The following POLR3G variants were observed in gnomAD, a reference collection of about 807,000 sequenced individuals.
The protein encoded by POLR3G is RNA polymerase III subunit G.
POLR3G carries 28 observed loss-of-function variants against 30.1 expected under a neutral mutation model. The observed-to-expected ratio is 0.93, with a 90% confidence interval of 0.69 to 1.27. The LOEUF is 1.27. POLR3G is among the 50% of genes most tolerant of loss of function. The pLI is 0.00. For synonymous variants in POLR3G, 79 were observed against 82.5 expected (o/e 0.96, Z 0.23); for missense variants, 254 against 264.6 (o/e 0.96, Z 0.28).
intron 3 of POLR3G, among the ~76,000 whole-genome samples, chr5:90,491,894 G>A (rs1237734011): frequency 6.6e-6 from 1 of 152,094 alleles, no homozygotes; most frequent in Non-Finnish European, 1.5e-5. Flanking sequence ...TCATCATATA[G>A]TTTTCCTATG....
chr5:90,477,071 C>G (rs1561244713), intron 1 of POLR3G, among the ~76,000 whole-genome samples: 1 of 152,078 alleles, frequency 6.6e-6, no homozygotes, highest in Non-Finnish European at 1.5e-5. Flanking sequence ...CCCTGGGAGA[C>G]AGATAAGAGC....
chr5:90,503,288 C>T (rs1752341457), intron 6 of POLR3G, among the ~76,000 whole-genome samples: 1 of 152,176 alleles, frequency 6.6e-6, no homozygotes, highest in African/African-American at 2.4e-5. Flanking sequence ...GTTGGCACAG[C>T]TATTTGGTAG....
chr5:90,495,577 A>T (rs1022242554), intron 3 of POLR3G, 100 bp from the exon 4 acceptor site: 6 of 1,485,638 alleles, frequency 4.0e-6, no homozygotes, highest in Admixed American at 2.5e-5. Context: ...ATGTAAAATT[A>T]AAAATGTTGT....
chr5:90,503,069 A>G (rs1752328804), intron 6 of POLR3G, among the ~76,000 whole-genome samples: 1 of 152,212 alleles, frequency 6.6e-6, no homozygotes, highest in African/African-American at 2.4e-5. Context: ...TACTACCGTT[A>G]TCAATGCATG....
At chr5:90,477,326 G>GA (rs1210879422) in intron 1 of POLR3G, among the ~76,000 whole-genome samples, 1 of 152,194 alleles carries the variant, frequency 6.6e-6, no homozygotes, top group Non-Finnish European at 1.5e-5. Context: ...AGACTCCAAA[G>GA]CTCTGTTAAG....
upstream of POLR3G, chr5:90,474,480 C>T (rs1371693206): frequency 1.7e-6 from 1 of 598,750 alleles, no homozygotes; most frequent in Non-Finnish European, 2.9e-6. Context: ...CGACGCTGCC[C>T]GTAGCGTGCG....
At chr5:90,498,564 T>C (rs992755818) in intron 5 of POLR3G, among the ~76,000 whole-genome samples, 8 of 152,346 alleles carry the variant, frequency 5.3e-5, no homozygotes, top group Admixed American at 1.3e-4. Flanking sequence ...CTTAGGATTT[T>C]CCTTTAGTTA....
At chr5:90,474,004 G>A, upstream of POLR3G, 1 of 1,598,002 alleles carries the variant, frequency 6.3e-7, no homozygotes, top group Non-Finnish European at 8.5e-7. Flanking sequence ...ACTGCCACGC[G>A]GTCGAACTGG....
intron 4 of POLR3G, among the ~76,000 whole-genome samples, chr5:90,496,507 T>C (rs1189677340): frequency 6.6e-6 from 1 of 152,246 alleles, no homozygotes; most frequent in East Asian, 1.9e-4. Context: ...TTGTTAGGCT[T>C]CTTCAAAAGA....
intron 5 of POLR3G, among the ~76,000 whole-genome samples, chr5:90,498,004 G>A (rs1752071101): frequency 6.6e-6 from 1 of 152,070 alleles, no homozygotes; most frequent in Admixed American, 6.6e-5. Context: ...CAGCTACTTG[G>A]GGGTCTAAGG....
At chr5:90,480,640 A>G (rs141283213) in intron 1 of POLR3G, among the ~76,000 whole-genome samples, 165 of 152,206 alleles carry the variant, frequency 1.1e-3, no homozygotes, top group Non-Finnish European at 2.1e-3. Context: ...AGATTCTGGT[A>G]TGGTAGGTTT....
In POLR3G at chr5:90,513,787, A is replaced by G. The variant is rs1275738692; in HGVS notation, c.*1648A>G. The stretch of plus-strand genomic sequence containing the variant: ...AGTTGTCAAAAAATTTTAAGATTCT[A>G]AATGGAATACACGAATAAAGTAAGC... On this transcript the variant is annotated 3_prime_UTR_variant, in exon 8 of 8. Transcript: ENST00000651687. 6.6e-6 allele frequency: 1 copy of G among 152,218 alleles called. No individual in the cohort carries two copies. The highest frequency in any genetic ancestry group is 1.5e-5 in the Non-Finnish European group (1 of 68,022). The allele number at this position is 152,218 out of a possible 1,614,324, so 9.4% of individuals were successfully genotyped here. A position where few individuals can be genotyped will look rare whatever the true frequency, so the allele number is the denominator to read the frequency against.
chr5:90,510,672 G>A (rs1423160102), intron 7 of POLR3G, among the ~76,000 whole-genome samples: 1 of 151,992 alleles, frequency 6.6e-6, no homozygotes, highest in East Asian at 1.9e-4. Flanking sequence ...TCTAAATATT[G>A]CCAAATTTTT....
At chr5:90,492,554 A>G (rs1048676166) in intron 3 of POLR3G, among the ~76,000 whole-genome samples, 1 of 152,182 alleles carries the variant, frequency 6.6e-6, no homozygotes, top group Non-Finnish European at 1.5e-5. Context: ...GTATAGAGCA[A>G]AGAAGATGGC....
chr5:90,495,851 T>C, intron 4 of POLR3G, 118 bp downstream of exon 4: 1 of 1,292,470 alleles, frequency 7.7e-7, no homozygotes, highest in Non-Finnish European at 1.0e-6. Flanking sequence ...CTGGTTCTTT[T>C]ATTGTGATTA....
At chr5:90,502,092 TG>T in intron 6 of POLR3G, 104 bp downstream of exon 6, 1 of 1,492,718 alleles carries the variant, frequency 6.7e-7, no homozygotes, top group South Asian at 1.3e-5. Flanking sequence ...TTTTTAATAA[TG>T]TAAATTTGGC....
chr5:90,489,761 G>A (rs1248203257), intron 3 of POLR3G, among the ~76,000 whole-genome samples: 3 of 152,118 alleles, frequency 2.0e-5, no homozygotes, highest in Non-Finnish European at 4.4e-5. Context: ...CTATGACACA[G>A]ATGCACTTAG....
At chr5:90,505,443 GA>G (rs568329374) in intron 6 of POLR3G, among the ~76,000 whole-genome samples, 84 of 152,160 alleles carry the variant, frequency 5.5e-4, no homozygotes, top group African/African-American at 2.0e-3. Context: ...TTTATTAAAT[GA>G]AAAAAATTGT....
At chr5:90,488,231 A>T (rs1751548006) in intron 3 of POLR3G, 102 bp downstream of exon 3, 1 of 1,039,142 alleles carries the variant, frequency 9.6e-7, no homozygotes, top group Non-Finnish European at 1.3e-6. Context: ...ATTCGATTCA[A>T]TAAAAAATTA....
Sources: allele counts gnomAD v4.1 joint callset (sites outside exome capture counted in the v4.1 genomes callset), GRCh38; gene constraint gnomAD v4.1.1; transcripts MANE v1.5; gene names NCBI Gene and HGNC (gene_info 2026-07-23, HGNC 2026-07-21).